KCNU1: variants seen among roughly 807,000 people sequenced by gnomAD.
KCNU1 encodes the protein potassium calcium-activated channel subfamily U member 1.
KCNU1 carries 93 observed loss-of-function variants against 126.8 expected under a neutral mutation model. The ratio of observed to expected loss-of-function variants is 0.73; its 90% CI spans 0.62 to 0.87. The LOEUF (loss-of-function observed/expected upper bound fraction) is 0.87. Among genes scored for constraint, KCNU1 ranks in the 40% least tolerant of loss-of-function variants. The probability of loss-of-function intolerance (pLI) is 0.00; values close to 1 mark genes in which losing one functional copy is unlikely to be tolerated. For missense variants in KCNU1, 1,330 were observed against 1,367.1 expected (o/e 0.97, Z 0.43); for synonymous variants, 523 against 494.2 (o/e 1.06, Z -0.77).
chr8:36,865,953 C>T (rs574458571), intron 19 of KCNU1, among the ~76,000 whole-genome samples: 10 of 151,902 alleles, frequency 6.6e-5, no homozygotes, highest in Admixed American at 3.3e-4. Context: ...TGCACGATAT[C>T]GCTTATATGT....
At chr8:36,904,747 G>A (rs1463526422) in intron 19 of KCNU1, among the ~76,000 whole-genome samples, 1 of 152,122 alleles carries the variant, frequency 6.6e-6, no homozygotes, top group Non-Finnish European at 1.5e-5. Context: ...CCTGGTGACT[G>A]AGGAGGATGC....
At chr8:36,811,396 G>C (rs1057505977) in intron 7 of KCNU1, among the ~76,000 whole-genome samples, 1 of 152,060 alleles carries the variant, frequency 6.6e-6, no homozygotes, top group African/African-American at 2.4e-5. Flanking sequence ...GTCTATACAG[G>C]GGGGAACCAA....
intron 10 of KCNU1, among the ~76,000 whole-genome samples, chr8:36,822,025 G>A (rs1804147121): frequency 6.6e-6 from 1 of 152,044 alleles, no homozygotes; most frequent in South Asian, 2.1e-4. Flanking sequence ...AAGTTCAGGA[G>A]TGTCTGTATT....
At chr8:36,864,750 A>G (rs1170354191) in intron 19 of KCNU1, among the ~76,000 whole-genome samples, 1 of 152,210 alleles carries the variant, frequency 6.6e-6, no homozygotes. Flanking sequence ...CCCAAAAGTT[A>G]GATACCCAAC....
chr8:36,845,364 G>A (rs1403222047), intron 16 of KCNU1, among the ~76,000 whole-genome samples: 1 of 152,184 alleles, frequency 6.6e-6, no homozygotes, highest in African/African-American at 2.4e-5. Context: ...CACTGATCAA[G>A]TTGTTCCCTG....
At chr8:36,858,605 C>T (rs1298048559) in intron 18 of KCNU1, among the ~76,000 whole-genome samples, 1 of 152,154 alleles carries the variant, frequency 6.6e-6, no homozygotes, top group Non-Finnish European at 1.5e-5. Context: ...CACACACATG[C>T]ATATGCTTCT....
At chr8:36,840,412 A>T in intron 14 of KCNU1, 51 bp from the exon 15 acceptor site, 1 of 851,840 alleles carries the variant, frequency 1.2e-6, no homozygotes, top group Non-Finnish European at 2.0e-6. Context: ...GAATTCTAAC[A>T]TTCTACATTC....
At chr8:36,834,414 T>A (rs779371554) in intron 11 of KCNU1, among the ~76,000 whole-genome samples, 3 of 152,246 alleles carry the variant, frequency 2.0e-5, no homozygotes, top group Non-Finnish European at 4.4e-5. Context: ...TTCCTCTGTT[T>A]TTAACTGTCC....
intron 8 of KCNU1, among the ~76,000 whole-genome samples, chr8:36,814,652 C>T (rs1803843394): frequency 6.6e-6 from 1 of 152,136 alleles, no homozygotes; most frequent in Non-Finnish European, 1.5e-5. Context: ...GAAAACCTAT[C>T]TTCCTTCATA....
chr8:36,882,510 G>A (rs1585505132), intron 19 of KCNU1, among the ~76,000 whole-genome samples: 1 of 152,118 alleles, frequency 6.6e-6, no homozygotes, highest in South Asian at 2.1e-4. Context: ...GTCTACAAAA[G>A]GACATTTGCA....
intron 10 of KCNU1, among the ~76,000 whole-genome samples, chr8:36,828,363 T>C (rs1585424007): frequency 6.6e-6 from 1 of 152,086 alleles, no homozygotes; most frequent in Non-Finnish European, 1.5e-5. Flanking sequence ...AATCTATATT[T>C]AACTGTATAA....
intron 10 of KCNU1, among the ~76,000 whole-genome samples, chr8:36,831,368 C>T (rs1804540627): frequency 6.6e-6 from 1 of 151,518 alleles, no homozygotes; most frequent in Admixed American, 6.6e-5. Context: ...AGTTTACAGT[C>T]CCACCAACAG....
chr8:36,815,509 C>A, intron 8 of KCNU1, 87 bp from the exon 9 acceptor site: 2 of 619,342 alleles, frequency 3.2e-6, no homozygotes, highest in Non-Finnish European at 5.6e-6. Context: ...GTTTTATGTA[C>A]CCTCCTTTTC....
intron 12 of KCNU1, among the ~76,000 whole-genome samples, chr8:36,835,397 G>A (rs1276882598): frequency 6.6e-6 from 1 of 151,436 alleles, no homozygotes; most frequent in African/African-American, 2.4e-5. Flanking sequence ...TGTGCTGGAG[G>A]GCAGTGGCGT....
chr8:36,911,566 CTT>C (rs1807878367), intron 22 of KCNU1, among the ~76,000 whole-genome samples: 1 of 152,172 alleles, frequency 6.6e-6, no homozygotes, highest in African/African-American at 2.4e-5. Flanking sequence ...CCATGATTCT[CTT>C]TTACTTTTTG....
intron 20 of KCNU1, among the ~76,000 whole-genome samples, chr8:36,907,980 T>C (rs1456168775): frequency 1.3e-5 from 2 of 152,198 alleles, no homozygotes; most frequent in African/African-American, 4.8e-5. Flanking sequence ...ATTAACTCTT[T>C]GGTTTTTTTT....
chr8:36,843,312 T>C (rs980218353), intron 16 of KCNU1, among the ~76,000 whole-genome samples: 3 of 152,210 alleles, frequency 2.0e-5, no homozygotes, highest in African/African-American at 7.2e-5. Flanking sequence ...TAACTTTGTC[T>C]TCTCACTGGG....
chr8:36,870,608 G>A (rs1185243510), intron 19 of KCNU1, among the ~76,000 whole-genome samples: 1 of 152,134 alleles, frequency 6.6e-6, no homozygotes, highest in Non-Finnish European at 1.5e-5. Flanking sequence ...CTCTTTTCAT[G>A]TCATATCTGA....
chr8:36,866,275 G>A (rs1206345589), intron 19 of KCNU1, among the ~76,000 whole-genome samples: 1 of 152,060 alleles, frequency 6.6e-6, no homozygotes, highest in East Asian at 1.9e-4. Flanking sequence ...CACACACAGA[G>A]TCCTCTTCCG....
Sources: allele counts gnomAD v4.1 joint callset (sites outside exome capture counted in the v4.1 genomes callset), GRCh38; gene constraint gnomAD v4.1.1; transcripts MANE v1.5; gene names NCBI Gene and HGNC (gene_info 2026-07-23, HGNC 2026-07-21).